CTNNA2: variants seen among roughly 807,000 people sequenced by gnomAD.
CTNNA2 encodes the protein catenin alpha-2.
Under a neutral mutation model 101.0 loss-of-function variants are expected in CTNNA2, and 42 were observed. That is an observed-to-expected ratio of 0.42 (90% CI 0.32 to 0.54). The LOEUF (loss-of-function observed/expected upper bound fraction) is 0.54. Among genes scored for constraint, CTNNA2 ranks in the 20% least tolerant of loss-of-function variants. The pLI, the probability that CTNNA2 is intolerant of heterozygous loss-of-function variation, is 0.14. For synonymous variants in CTNNA2, 450 were observed against 456.4 expected, an observed-to-expected ratio of 0.99 and a Z score of 0.18; for missense variants, 871 against 1,223.1, an observed-to-expected ratio of 0.71 and a Z score of 4.29.
intron 2 of CTNNA2, among the ~76,000 whole-genome samples, chr2:79,278,521 G>A (rs72818616): frequency 0.16 from 23,900 of 151,408 alleles, 2,142 homozygotes; most frequent in South Asian, 0.27. Context: ...CCAAGCCCAC[G>A]AAAAAAAAAT....
rs532439669 is a variant in CTNNA2 at position 80,318,431 on chromosome 2, T to C, written c.1057-74780T>C. On this transcript the variant is annotated intron_variant, in intron 7 of 18. Coordinates refer to ENST00000402739, the MANE Select transcript of CTNNA2 (RefSeq NM_001282597.3). ...TGGTGTAGTGAAGATAGAGTTGGGA[T>C]AGTTATGTTTAGGTTTGGGTTTTGC... Among the ~76,000 whole-genome samples, 9 of 152,216 alleles carry C rather than the reference T, an allele frequency of 5.9e-5. No individual in the cohort carries two copies. In the East Asian group the frequency reaches 1.4e-3, roughly 23 times the overall value.
intron 7 of CTNNA2, among the ~76,000 whole-genome samples, chr2:80,200,671 G>C (rs1707143088): frequency 6.6e-6 from 1 of 152,040 alleles, no homozygotes; most frequent in East Asian, 1.9e-4. Flanking sequence ...GAGTAGCTGG[G>C]ATTACAGGCA....
chr2:79,492,836 G>A (rs893281710), intron 4 of CTNNA2, among the ~76,000 whole-genome samples: 2 of 152,052 alleles, frequency 1.3e-5, no homozygotes, highest in Non-Finnish European at 2.9e-5. Flanking sequence ...AATGAGTCTA[G>A]TAACATATAA....
At chr2:80,068,770 A>G (rs1297599739) in intron 7 of CTNNA2, among the ~76,000 whole-genome samples, 1 of 152,184 alleles carries the variant, frequency 6.6e-6, no homozygotes, top group African/African-American at 2.4e-5. Context: ...CAGGAACCTG[A>G]TAGTTATTTC....
chr2:79,750,957 A>G (rs1439344203), intron 3 of CTNNA2, among the ~76,000 whole-genome samples: 1 of 152,156 alleles, frequency 6.6e-6, no homozygotes, highest in African/African-American at 2.4e-5. Context: ...GATATATCCT[A>G]TGCTAAATGA....
At chr2:80,142,360 C>T (rs963860862) in intron 7 of CTNNA2, among the ~76,000 whole-genome samples, 3 of 152,102 alleles carry the variant, frequency 2.0e-5, no homozygotes, top group African/African-American at 7.2e-5. Flanking sequence ...CACTGCAGTC[C>T]CTATGTCAGT....
chr2:80,608,129 T>C (rs1698177248), intron 16 of CTNNA2, 55 bp from the exon 17 acceptor site: 3 of 1,510,146 alleles, frequency 2.0e-6, no homozygotes, highest in African/African-American at 1.4e-5. Flanking sequence ...CTATAACAAA[T>C]GTTAGAAACT....
chr2:79,309,237 C>T (rs1176186418), intron 2 of CTNNA2, among the ~76,000 whole-genome samples: 2 of 151,992 alleles, frequency 1.3e-5, no homozygotes, highest in East Asian at 3.9e-4. Flanking sequence ...TGTGATTCCA[C>T]CTACCCACTC....
intron 3 of CTNNA2, among the ~76,000 whole-genome samples, chr2:79,789,022 G>A (rs1675065181): frequency 2.0e-5 from 3 of 152,196 alleles, no homozygotes; most frequent in Non-Finnish European, 2.9e-5. Context: ...AATAGCTAAT[G>A]TTTACTAAGT....
intron 4 of CTNNA2, among the ~76,000 whole-genome samples, chr2:79,465,688 G>T (rs1404033803): frequency 6.6e-6 from 1 of 152,076 alleles, no homozygotes; most frequent in African/African-American, 2.4e-5. Flanking sequence ...TCCTTGAAGA[G>T]GTCCTTCACA....
chr2:80,319,737 C>T (rs181439462), intron 7 of CTNNA2, among the ~76,000 whole-genome samples: 6 of 152,240 alleles, frequency 3.9e-5, no homozygotes, highest in Admixed American at 3.9e-4. Context: ...ATTCTTGAGT[C>T]ATAAAGTAAA....
At chr2:80,072,089 A>G (rs1259455824) in intron 7 of CTNNA2, among the ~76,000 whole-genome samples, 1 of 152,070 alleles carries the variant, frequency 6.6e-6, no homozygotes, top group African/African-American at 2.4e-5. Flanking sequence ...GAGCTCCACA[A>G]ATTCTCAATT....
intron 7 of CTNNA2, among the ~76,000 whole-genome samples, chr2:80,044,630 C>A (rs1344348848): frequency 2.0e-5 from 3 of 152,148 alleles, no homozygotes; most frequent in African/African-American, 7.2e-5. Flanking sequence ...GATGTACCCC[C>A]ACTCTGGACT....
intron 2 of CTNNA2, among the ~76,000 whole-genome samples, chr2:79,657,398 T>A (rs1167237071): frequency 6.6e-6 from 1 of 151,816 alleles, no homozygotes; most frequent in Non-Finnish European, 1.5e-5. Flanking sequence ...CAAGAGAAAG[T>A]AGAAAACTGT....
chr2:79,382,816 G>A (rs760015257), intron 4 of CTNNA2, among the ~76,000 whole-genome samples: 1 of 152,064 alleles, frequency 6.6e-6, no homozygotes, highest in Non-Finnish European at 1.5e-5. Context: ...GGGTTTCACT[G>A]TGTTAGCCAG....
intron 2 of CTNNA2, among the ~76,000 whole-genome samples, chr2:79,229,846 C>G (rs1405775012): frequency 2.0e-5 from 3 of 152,176 alleles, no homozygotes; most frequent in Non-Finnish European, 4.4e-5. Flanking sequence ...TTGTTGGGAA[C>G]TGGAGCAAAG....
At chr2:79,885,098 C>T (rs146324578) in intron 6 of CTNNA2, among the ~76,000 whole-genome samples, 1,862 of 152,178 alleles carry the variant, frequency 0.012, 14 homozygotes, top group Middle Eastern at 0.024. Context: ...AGGTTCCCAG[C>T]CCATTTAAGG....
chr2:80,156,322 T>C (rs1301556180), intron 7 of CTNNA2, among the ~76,000 whole-genome samples: 2 of 152,224 alleles, frequency 1.3e-5, no homozygotes, highest in Non-Finnish European at 2.9e-5. Flanking sequence ...ATGATCGTTT[T>C]ATGGTTTCTA....
At chr2:80,530,903 A>G (rs1424783176) in intron 9 of CTNNA2, among the ~76,000 whole-genome samples, 1 of 152,164 alleles carries the variant, frequency 6.6e-6, no homozygotes, top group African/African-American at 2.4e-5. Flanking sequence ...CTAAGGAGAG[A>G]ATTAAAACTT....
Sources: allele counts gnomAD v4.1 joint callset (sites outside exome capture counted in the v4.1 genomes callset), GRCh38; gene constraint gnomAD v4.1.1; transcripts MANE v1.5; gene names NCBI Gene and HGNC (gene_info 2026-07-23, HGNC 2026-07-21).